PC: variants seen among roughly 807,000 people sequenced by gnomAD.
PC encodes pyruvate carboxylase.
PC carries 46 observed loss-of-function variants against 107.8 expected under a neutral mutation model. The observed-to-expected ratio is 0.43, with a 90% CI of 0.34 to 0.55. PC has a LOEUF of 0.55. Among genes scored for constraint, PC ranks in the 20% least tolerant of loss-of-function variants. PC has a pLI of 0.04. For missense variants in PC, 1,241 were observed against 1,643.1 expected, an observed-to-expected ratio of 0.76 and a Z score of 4.23; for synonymous variants, 662 against 684.7, an observed-to-expected ratio of 0.97 and a Z score of 0.52.
At position 66,866,916 on chromosome 11, in the gene PC, A is replaced by G. The variant is rs560852317; in HGVS notation, c.1023-567T>C. ...AGGGTTGCACAGTGGGTGCTGGGTC[A>G]GGACCTGTCCTTCTGAGGCCTGTTT... On this transcript the variant is annotated intron_variant, in intron 10 of 22. Transcript: ENST00000393960. This position sits in a 1 kb window ranked among gnomAD's most constrained non-coding sequence, Gnocchi z 5.4. 9.2e-5 allele frequency among the ~76,000 whole-genome samples: 14 copies of G among 152,320 alleles called. No individual in the cohort carries two copies. The East Asian group carries it at 2.7e-3, about 29-fold the overall frequency.
chr11:66,885,062 C>T (rs1198975166), intron 3 of PC, among the ~76,000 whole-genome samples: 1 of 152,198 alleles, frequency 6.6e-6, no homozygotes, highest in African/African-American at 2.4e-5. Flanking sequence ...AGAGGGCCTC[C>T]CAGAGGCCTT....
At chr11:66,937,780 GT>G (rs113916680) in intron 3 of PC, among the ~76,000 whole-genome samples, 208 of 137,256 alleles carry the variant, frequency 1.5e-3, no homozygotes, top group Non-Finnish European at 1.9e-3. Flanking sequence ...GGTTTTTTTT[GT>G]TTTTTTTTTT....
At chr11:66,860,436 T>G (rs1565230247) in intron 12 of PC, 1 of 704,984 alleles carries the variant, frequency 1.4e-6, no homozygotes, top group Non-Finnish European at 2.6e-6. Context: ...CCACTGGGAG[T>G]CTTGTTTTTA....
chr11:66,935,901 C>A (rs1948988873), intron 3 of PC, among the ~76,000 whole-genome samples: 1 of 151,998 alleles, frequency 6.6e-6, no homozygotes, highest in African/African-American at 2.4e-5. Flanking sequence ...CCAGCCTGGG[C>A]AACACAGTCT....
chr11:66,849,322 T>G lies in PC; in HGVS notation c.3196A>C (p.Ser1066Arg). 1 of 1,613,522 alleles carries G rather than the reference T, an allele frequency of 6.2e-7. No homozygotes were observed. The highest frequency in any genetic ancestry group is 8.5e-7 in the Non-Finnish European group (1 of 1,180,024). ...KTLHIKALAV[S>R]DLNRAGQRQV... Reference sequence around the variant, plus strand: ...CTCTGGCCGGCCCGGTTCAGGTCGCTCACGGCCAGGGCTTTGATGTGCAGC... The same window carrying G: ...CTCTGGCCGGCCCGGTTCAGGTCGCGCACGGCCAGGGCTTTGATGTGCAGC... The change falls in exon 22 of 23, where the codon AGC becomes CGC. Residue 1066 changes from serine to arginine, a missense_variant. By Grantham distance (110) the Ser-to-Arg change is moderately radical. Transcript: ENST00000393960.
At chr11:66,906,985 C>T (rs746993558) in intron 3 of PC, among the ~76,000 whole-genome samples, 18 of 152,190 alleles carry the variant, frequency 1.2e-4, no homozygotes, top group Non-Finnish European at 2.1e-4. Context: ...AAAGGAAAGC[C>T]GGGCCTTTCT....
chr11:66,948,749 A>G (rs1462697249), intron 3 of PC, among the ~76,000 whole-genome samples: 1 of 152,024 alleles, frequency 6.6e-6, no homozygotes, highest in Non-Finnish European at 1.5e-5. Flanking sequence ...CTGAAAAGGG[A>G]AGATCACCTG....
chr11:66,925,649 T>C (rs1948699721), intron 3 of PC, among the ~76,000 whole-genome samples: 1 of 151,506 alleles, frequency 6.6e-6, no homozygotes, highest in Non-Finnish European at 1.5e-5. Context: ...TGAGGCGACA[T>C]ACATCCTCCT....
At chr11:66,894,892 T>C (rs1947700350) in intron 3 of PC, among the ~76,000 whole-genome samples, 1 of 152,196 alleles carries the variant, frequency 6.6e-6, no homozygotes, top group East Asian at 1.9e-4. Flanking sequence ...CGTGGTGGCA[T>C]GCACCTGTAG....
chr11:66,893,295 G>A (rs1377572284), intron 3 of PC, among the ~76,000 whole-genome samples: 2 of 152,122 alleles, frequency 1.3e-5, no homozygotes, highest in African/African-American at 4.8e-5. Flanking sequence ...ACTTCCCTAA[G>A]AGCCACTCCT....
chr11:66,921,292 C>T (rs1241629929), intron 3 of PC, among the ~76,000 whole-genome samples: 2 of 152,100 alleles, frequency 1.3e-5, no homozygotes, highest in African/African-American at 2.4e-5. Context: ...TTTCTTTTCC[C>T]GATAGCCTTA....
intron 3 of PC, among the ~76,000 whole-genome samples, chr11:66,894,907 A>C (rs557940930): frequency 6.6e-6 from 1 of 152,218 alleles, no homozygotes; most frequent in East Asian, 1.9e-4. Flanking sequence ...CTGTAGTCCC[A>C]GCTACTCAGG....
intron 3 of PC, among the ~76,000 whole-genome samples, chr11:66,950,666 G>T (rs1591320092): frequency 6.6e-6 from 1 of 152,096 alleles, no homozygotes; most frequent in Non-Finnish European, 1.5e-5. Context: ...TGGAAGAAGA[G>T]GTCCCTTCTT....
intron 3 of PC, among the ~76,000 whole-genome samples, chr11:66,878,824 G>A (rs1019498480): frequency 3.3e-5 from 5 of 152,218 alleles, no homozygotes; most frequent in Admixed American, 3.3e-4. Flanking sequence ...TGAAGTCAGA[G>A]CAGGGAAAAG....
At chr11:66,878,292 G>A (rs1393143320) in intron 3 of PC, among the ~76,000 whole-genome samples, 2 of 152,128 alleles carry the variant, frequency 1.3e-5, no homozygotes, top group East Asian at 3.9e-4. Context: ...TTTACCCTGC[G>A]ACCACAGGGG....
intron 3 of PC, among the ~76,000 whole-genome samples, chr11:66,878,810 C>G (rs756937684): frequency 6.6e-6 from 1 of 152,180 alleles, no homozygotes; most frequent in African/African-American, 2.4e-5. Context: ...CAGGGCTCTT[C>G]GGCTGAAGTC....
rs917883685 is a variant in PC at position 66,956,926 on chromosome 11, T to C, written c.-228+1396A>G. Among the ~76,000 whole-genome samples the C allele has an allele frequency of 2.2e-4, 33 of 152,258 alleles. 1 individual carries two copies. Among genetic ancestry groups the C allele is most frequent in the African/African-American group, 7.7e-4 (32 of 41,474 alleles). On this transcript the variant is annotated intron_variant, in intron 1 of 22. Coordinates refer to ENST00000393960, the MANE Select transcript of PC (RefSeq NM_001040716.2). Reference sequence around the variant, plus strand: ...TTTTCTCTCTCCCCCAATGGGTTTGTCAGCAGTTGCAGGACAAGGATTGAC... The same window carrying C: ...TTTTCTCTCTCCCCCAATGGGTTTGCCAGCAGTTGCAGGACAAGGATTGAC...
At position 66,866,422 on chromosome 11, in the gene PC, G is replaced by A; in HGVS notation, c.1023-73C>T. ...ACATGAGGCGGGGGATAGACGAGGG[G>A]CACCGCAGCCAGTGGGGCGTCCACA... On this transcript the variant is annotated intron_variant, in intron 10 of 22. Coordinates refer to ENST00000393960, the MANE Select transcript of PC (RefSeq NM_001040716.2). This position sits in a 1 kb window ranked among gnomAD's most constrained non-coding sequence, Gnocchi z 5.4. 8.7e-7 allele frequency: 1 copy of A among 1,143,452 alleles called. No individual in the cohort carries two copies. The highest frequency in any genetic ancestry group is 1.3e-6 in the Non-Finnish European group (1 of 782,926). 70.8% of individuals were successfully genotyped at this position (1,143,452 alleles called of 1,614,324 possible).
At chr11:66,864,845 G>A (rs889283790) in intron 11 of PC, among the ~76,000 whole-genome samples, 7 of 152,178 alleles carry the variant, frequency 4.6e-5, no homozygotes, top group Non-Finnish European at 7.4e-5. Flanking sequence ...TGGGGGACCC[G>A]TCAGGCCCAG....
Sources: gnomAD v4.1 joint callset for allele counts (sites outside exome capture counted in the v4.1 genomes callset) on GRCh38, gnomAD v4.1.1 for gene constraint, Gnocchi (gnomAD v3.1) non-coding constraint, MANE v1.5 for transcripts, NCBI Gene and HGNC (gene_info 2026-07-23, HGNC 2026-07-21) for gene names.